CLSTN2: variants seen among roughly 807,000 people sequenced by gnomAD.
CLSTN2 encodes the protein calsyntenin-2.
Under a neutral mutation model 101.2 loss-of-function variants are expected in CLSTN2, and 48 were observed. The observed-to-expected ratio is 0.47, with a 90% confidence interval of 0.38 to 0.60. The LOEUF (loss-of-function observed/expected upper bound fraction) is 0.60, where lower values mean the gene tolerates loss of function less well. CLSTN2 is among the 20% of genes least tolerant of loss of function. CLSTN2 has a pLI of 0.00. For missense variants in CLSTN2, 1,160 were observed against 1,238.2 expected (o/e 0.94, Z 0.95); for synonymous variants, 481 against 463.6 (o/e 1.04, Z -0.48).
rs138965470 is a variant in CLSTN2 at position 140,214,882 on chromosome 3, A to C, written c.232+38809A>C. 1.1e-3 allele frequency among the ~76,000 whole-genome samples: 170 copies of C among 152,314 alleles called. 1 individual carries two copies. The highest frequency in any genetic ancestry group is 3.9e-3 in the African/African-American group (164 of 41,584). ...AAAGCGTAGGTGCCATATATTTTTG[A>C]AGTCTTTATACAACATAATAAATTT... On this transcript the variant is annotated intron_variant, in intron 2 of 16. Coordinates refer to ENST00000458420, the MANE Select transcript of CLSTN2 (RefSeq NM_022131.3).
chr3:140,077,027 C>T (rs1372769573), intron 1 of CLSTN2, among the ~76,000 whole-genome samples: 1 of 152,188 alleles, frequency 6.6e-6, no homozygotes, highest in Non-Finnish European at 1.5e-5. Flanking sequence ...GCCTGAATTA[C>T]ATTTTTCAAC....
rs139093732 is a variant in CLSTN2 at position 140,153,316 on chromosome 3, C to T, written c.110-22635C>T. Among the ~76,000 whole-genome samples, 23 of 152,374 alleles carry T rather than the reference C, an allele frequency of 1.5e-4. No homozygotes were observed. In the East Asian group the frequency reaches 1.9e-3, roughly 13 times the overall value. The stretch of plus-strand genomic sequence containing the variant: ...AATTAAAAAAGCAAATTGTCCTACA[C>T]GAAAACATGAGCATGCTCTCCTATT... On this transcript the variant is annotated intron_variant, in intron 1 of 16. Coordinates refer to ENST00000458420, the MANE Select transcript of CLSTN2 (RefSeq NM_022131.3).
intron 2 of CLSTN2, among the ~76,000 whole-genome samples, chr3:140,364,535 G>A (rs1432239945): frequency 6.6e-6 from 1 of 152,194 alleles, no homozygotes; most frequent in Non-Finnish European, 1.5e-5. Flanking sequence ...GCAGTGAGGA[G>A]CAAGGGTACC....
intron 5 of CLSTN2, among the ~76,000 whole-genome samples, chr3:140,429,408 C>T (rs904133168): frequency 1.3e-5 from 2 of 152,000 alleles, no homozygotes; most frequent in African/African-American, 4.8e-5. Context: ...GTTCCTGGAG[C>T]AAATCTAGAA....
intron 1 of CLSTN2, among the ~76,000 whole-genome samples, chr3:140,132,651 T>C (rs2009540621): frequency 6.6e-6 from 1 of 152,222 alleles, no homozygotes; most frequent in Non-Finnish European, 1.5e-5. Flanking sequence ...TAGCACAAAA[T>C]AGGTGCTCTA....
At chr3:140,173,382 G>T (rs534987020) in intron 1 of CLSTN2, among the ~76,000 whole-genome samples, 49 of 152,316 alleles carry the variant, frequency 3.2e-4, no homozygotes, top group African/African-American at 1.2e-3. Flanking sequence ...GCTTTGCAGG[G>T]TACAGCCTCC....
intron 8 of CLSTN2, among the ~76,000 whole-genome samples, chr3:140,487,274 A>G (rs1219649155): frequency 6.6e-6 from 1 of 152,218 alleles, no homozygotes; most frequent in African/African-American, 2.4e-5. Flanking sequence ...TATTGCTTAT[A>G]TGCACCAAGA....
chr3:140,113,027 T>C (rs553195711), intron 1 of CLSTN2, among the ~76,000 whole-genome samples: 75 of 152,284 alleles, frequency 4.9e-4, no homozygotes, highest in African/African-American at 1.8e-3. Flanking sequence ...CTTAGTCTTC[T>C]GCTGGAGCCA....
intron 2 of CLSTN2, among the ~76,000 whole-genome samples, chr3:140,191,166 C>T (rs937886129): frequency 2.0e-5 from 3 of 151,936 alleles, no homozygotes; most frequent in Non-Finnish European, 4.4e-5. Flanking sequence ...TTCCTGCATT[C>T]ATCAATATGA....
intron 2 of CLSTN2, among the ~76,000 whole-genome samples, chr3:140,343,196 A>G (rs2087508703): frequency 6.6e-6 from 1 of 151,956 alleles, no homozygotes; most frequent in African/African-American, 2.4e-5. Flanking sequence ...CCTTTCATTC[A>G]CCACAGAGGC....
In CLSTN2 at chr3:140,336,200, CTG is replaced by C. The variant is rs577323243; in HGVS notation, c.233-67423_233-67422del. 1.2e-4 allele frequency among the ~76,000 whole-genome samples: 18 copies of C among 152,322 alleles called. No individual in the cohort carries two copies. The South Asian group carries it at 3.5e-3, about 30-fold the overall frequency. On this transcript the variant is annotated intron_variant, in intron 2 of 16. Transcript: ENST00000458420. ...AGTACTAGCTACCATGGAATGCTGA[CTG>C]TGTGTTGGGCACCGTGAAGGCATTT...
At chr3:140,131,881 A>G (rs1576438795) in intron 1 of CLSTN2, among the ~76,000 whole-genome samples, 1 of 152,148 alleles carries the variant, frequency 6.6e-6, no homozygotes, top group Non-Finnish European at 1.5e-5. Context: ...CTGTCCCACA[A>G]TTGACCAGTA....
chr3:140,395,402 T>C (rs906845272), intron 2 of CLSTN2, among the ~76,000 whole-genome samples: 1 of 152,126 alleles, frequency 6.6e-6, no homozygotes, highest in African/African-American at 2.4e-5. Context: ...TAGTGTGTCA[T>C]TGTAGCCTCA....
At chr3:140,493,115 G>A (rs1020045529) in intron 8 of CLSTN2, among the ~76,000 whole-genome samples, 1 of 152,186 alleles carries the variant, frequency 6.6e-6, no homozygotes, top group Non-Finnish European at 1.5e-5. Context: ...AGGAAAAAAC[G>A]TCTGGGAACA....
At chr3:140,020,821 A>G (rs2007298865) in intron 1 of CLSTN2, among the ~76,000 whole-genome samples, 1 of 152,222 alleles carries the variant, frequency 6.6e-6, no homozygotes, top group African/African-American at 2.4e-5. Context: ...CTCAGTGAAT[A>G]AATCCTTGGT....
At chr3:140,335,551 C>A (rs775806572) in intron 2 of CLSTN2, among the ~76,000 whole-genome samples, 1 of 152,026 alleles carries the variant, frequency 6.6e-6, no homozygotes, top group Admixed American at 6.5e-5. Flanking sequence ...CCCTCCCCTC[C>A]TCCACAGGAC....
chr3:140,530,192 T>C (rs1159868775), intron 8 of CLSTN2, among the ~76,000 whole-genome samples: 1 of 152,220 alleles, frequency 6.6e-6, no homozygotes, highest in Admixed American at 6.5e-5. Context: ...ATAAGTATAG[T>C]ATATAGCCAT....
intron 2 of CLSTN2, among the ~76,000 whole-genome samples, chr3:140,379,952 C>CT (rs1182134543): frequency 6.6e-6 from 1 of 151,674 alleles, no homozygotes; most frequent in East Asian, 1.9e-4. Context: ...CCTTTTTTGC[C>CT]TTTTTATATT....
chr3:140,067,072 T>C (rs2008312269), intron 1 of CLSTN2, among the ~76,000 whole-genome samples: 1 of 152,024 alleles, frequency 6.6e-6, no homozygotes, highest in African/African-American at 2.4e-5. Flanking sequence ...TGAGGTGACA[T>C]GGGGTAACAA....
Sources: allele counts gnomAD v4.1 joint callset (sites outside exome capture counted in the v4.1 genomes callset), GRCh38; gene constraint gnomAD v4.1.1; transcripts MANE v1.5; gene names NCBI Gene and HGNC (gene_info 2026-07-23, HGNC 2026-07-21).